The following RFX3 variants were observed in gnomAD, a reference collection of about 807,000 sequenced individuals.
The protein encoded by RFX3 is regulatory factor X3.
Under a neutral mutation model 98.6 loss-of-function variants are expected in RFX3, and 14 were observed. The observed-to-expected ratio is 0.14, with a 90% confidence interval of 0.09 to 0.22. The LOEUF (loss-of-function observed/expected upper bound fraction) is 0.22, where lower values mean the gene tolerates loss of function less well. Ranked by LOEUF, RFX3 falls within the 10% of genes least tolerant of loss-of-function variation. The pLI, the probability that RFX3 is intolerant of heterozygous loss-of-function variation, is 1.00. For missense variants in RFX3, 639 were observed against 926.9 expected, an observed-to-expected ratio of 0.69 and a Z score of 4.03; for synonymous variants, 383 against 328.4, an observed-to-expected ratio of 1.17 and a Z score of -1.80.
chr9:3,423,615 G>T (rs1439869739), intron 1 of RFX3, among the ~76,000 whole-genome samples: 1 of 151,794 alleles, frequency 6.6e-6, no homozygotes, highest in Non-Finnish European at 1.5e-5. Flanking sequence ...TAGATCAGCA[G>T]ATCAGTGTTT....
chr9:3,417,109 T>C (rs1397880593), intron 1 of RFX3, among the ~76,000 whole-genome samples: 2 of 151,986 alleles, frequency 1.3e-5, no homozygotes, highest in East Asian at 3.8e-4. Flanking sequence ...AGAGGAGTCA[T>C]TTCATAATGA....
At chr9:3,328,618 C>T (rs574566327) in intron 4 of RFX3, among the ~76,000 whole-genome samples, 17 of 152,168 alleles carry the variant, frequency 1.1e-4, no homozygotes, top group South Asian at 6.2e-4. Context: ...CTCAGAACAG[C>T]TAGTCATCTG....
intron 5 of RFX3, among the ~76,000 whole-genome samples, chr9:3,300,326 T>C (rs1036276095): frequency 1.3e-5 from 2 of 151,786 alleles, no homozygotes; most frequent in Non-Finnish European, 2.9e-5. Flanking sequence ...GTCACCAAAT[T>C]TATAGGCATT....
intron 1 of RFX3, among the ~76,000 whole-genome samples, chr9:3,427,737 T>G (rs1163965419): frequency 6.6e-6 from 1 of 152,030 alleles, no homozygotes; most frequent in Non-Finnish European, 1.5e-5. Flanking sequence ...CTGTACCATA[T>G]CTTTTCATTC....
intron 2 of RFX3, among the ~76,000 whole-genome samples, chr9:3,379,707 T>C (rs776783020): frequency 3.9e-5 from 6 of 152,152 alleles, no homozygotes; most frequent in Admixed American, 2.6e-4. Flanking sequence ...TACATCCATA[T>C]ACCACACTTT....
At chr9:3,370,000 T>TTTTC (rs1156952527) in intron 2 of RFX3, among the ~76,000 whole-genome samples, 1 of 103,456 alleles carries the variant, frequency 9.7e-6, no homozygotes, top group African/African-American at 3.5e-5. Flanking sequence ...GGCTAATTTT[T>TTTTC]TTTTTTTTTT....
At chr9:3,418,140 C>T (rs1280963613) in intron 1 of RFX3, among the ~76,000 whole-genome samples, 1 of 152,152 alleles carries the variant, frequency 6.6e-6, no homozygotes, top group Non-Finnish European at 1.5e-5. Context: ...AGCTTTACCA[C>T]AGTTGAGTAG....
At chr9:3,315,870 G>C (rs1587011400) in intron 4 of RFX3, among the ~76,000 whole-genome samples, 1 of 152,238 alleles carries the variant, frequency 6.6e-6, no homozygotes, top group East Asian at 1.9e-4. Context: ...TTCCGAAATT[G>C]AGGCAATAAC....
chr9:3,339,296 T>C (rs115659269), intron 3 of RFX3, among the ~76,000 whole-genome samples: 3,220 of 152,022 alleles, frequency 0.021, 115 homozygotes, highest in African/African-American at 0.073. Flanking sequence ...ACAACAGAGG[T>C]CAGGGAAATA....
intron 1 of RFX3, among the ~76,000 whole-genome samples, chr9:3,466,355 C>G (rs1342266476): frequency 6.6e-6 from 1 of 151,964 alleles, no homozygotes. Flanking sequence ...TGGCTATATC[C>G]TTTAGTACTT....
At chr9:3,362,720 C>G (rs560518920) in intron 2 of RFX3, among the ~76,000 whole-genome samples, 1 of 152,102 alleles carries the variant, frequency 6.6e-6, no homozygotes, top group African/African-American at 2.4e-5. Flanking sequence ...GCTCTCTTGA[C>G]CTTGTGACCA....
At chr9:3,313,208 A>G (rs1287988127) in intron 4 of RFX3, among the ~76,000 whole-genome samples, 3 of 152,180 alleles carry the variant, frequency 2.0e-5, no homozygotes, top group African/African-American at 4.8e-5. Flanking sequence ...CCGTTCTGCA[A>G]TATTTGCTGT....
chr9:3,225,399 C>A, intron 16 of RFX3, 119 bp from the exon 17 acceptor site: 2 of 1,426,908 alleles, frequency 1.4e-6, no homozygotes, highest in Non-Finnish European at 1.9e-6. Context: ...TAGCTCTTCT[C>A]AGGAAACAAA....
At chr9:3,344,604 T>G (rs944047141) in intron 3 of RFX3, 2 of 521,672 alleles carry the variant, frequency 3.8e-6, no homozygotes, top group African/African-American at 3.9e-5. Context: ...CCATTTCAAC[T>G]GCCCTTTTCC....
rs568805526 is a variant in RFX3 at position 3,387,550 on chromosome 9, T to C, written c.117+7922A>G. Among the ~76,000 whole-genome samples the C allele has an allele frequency of 3.9e-5, 6 of 152,200 alleles. No individual in the cohort carries two copies. In the South Asian group the frequency reaches 1.0e-3, roughly 26 times the overall value. ...ATCAGCATGGTCCTCCAAAACACCT[T>C]ACTTCTTTATACTGGATACCAATAT... On this transcript the variant is annotated intron_variant, in intron 2 of 16. Coordinates refer to ENST00000617270, the MANE Select transcript of RFX3 (RefSeq NM_001282116.2).
chr9:3,395,130 T>C (rs1037167667), intron 2 of RFX3, among the ~76,000 whole-genome samples: 2 of 152,076 alleles, frequency 1.3e-5, no homozygotes, highest in East Asian at 3.9e-4. Context: ...CATTTCAATA[T>C]GAAAGAAATA....
intron 13 of RFX3, among the ~76,000 whole-genome samples, chr9:3,259,784 G>C (rs965698709): frequency 5.3e-5 from 8 of 152,032 alleles, no homozygotes; most frequent in Non-Finnish European, 8.8e-5. Context: ...AATTAGAGGA[G>C]AATGAAGTAG....
chr9:3,512,920 G>T (rs115810356), intron 1 of RFX3, among the ~76,000 whole-genome samples: 2,202 of 151,418 alleles, frequency 0.015, 67 homozygotes, highest in African/African-American at 0.05. Flanking sequence ...TATCCTTCTT[G>T]ATTCCCAAAT....
chr9:3,414,631 T>A (rs577711381), intron 1 of RFX3, among the ~76,000 whole-genome samples: 1 of 122,416 alleles, frequency 8.2e-6, no homozygotes, highest in African/African-American at 4.1e-5. Context: ...TATACGAGTG[T>A]ATATATATAT....
Sources: allele counts gnomAD v4.1 joint callset (sites outside exome capture counted in the v4.1 genomes callset), GRCh38; gene constraint gnomAD v4.1.1; transcripts MANE v1.5; gene names NCBI Gene and HGNC (gene_info 2026-07-23, HGNC 2026-07-21).